Variants in MAPK10 observed in about 807,000 individuals in gnomAD.
MAPK10 encodes the protein mitogen-activated protein kinase 10, also known as JNK3 alpha protein kinase.
Under a neutral mutation model 59.3 loss-of-function variants are expected in MAPK10, and 25 were observed. The observed-to-expected ratio is 0.42, with a 90% CI of 0.31 to 0.59. The LOEUF (loss-of-function observed/expected upper bound fraction) is 0.59, where lower values mean the gene tolerates loss of function less well. Among genes scored for constraint, MAPK10 ranks in the 20% least tolerant of loss-of-function variants. The probability of loss-of-function intolerance (pLI) is 0.15; values close to 1 mark genes in which losing one functional copy is unlikely to be tolerated. For missense variants in MAPK10, 351 were observed against 568.9 expected (o/e 0.62, Z 3.90); for synonymous variants, 190 against 200.5 (o/e 0.95, Z 0.44).
chr4:86,359,590 C>T, intron 1 of MAPK10, 68 bp downstream of exon 1: 1 of 728,742 alleles, frequency 1.4e-6, no homozygotes, highest in Non-Finnish European at 1.7e-6. Flanking sequence ...CCACCAGGAG[C>T]AATCAATAGA....
upstream of MAPK10, chr4:86,360,123 C>G: frequency 1.0e-6 from 1 of 985,876 alleles, no homozygotes; most frequent in Non-Finnish European, 1.2e-6. Flanking sequence ...AAGGAGCACA[C>G]ATGACGTCAA....
chr4:86,488,916 A>T (rs923106375), intron 1 of MAPK10, among the ~76,000 whole-genome samples: 3 of 152,232 alleles, frequency 2.0e-5, no homozygotes, highest in Non-Finnish European at 4.4e-5. Flanking sequence ...TGGCCACAGG[A>T]CCGGCCAAAT....
chr4:86,216,004 T>C (rs2087444760), intron 2 of MAPK10, among the ~76,000 whole-genome samples: 1 of 152,056 alleles, frequency 6.6e-6, no homozygotes, highest in Non-Finnish European at 1.5e-5. Context: ...TATGAACCCT[T>C]GTGCCCTATT....
At chr4:86,258,032 C>G (rs1170250702) in intron 2 of MAPK10, among the ~76,000 whole-genome samples, 1 of 152,122 alleles carries the variant, frequency 6.6e-6, no homozygotes, top group Admixed American at 6.5e-5. Context: ...AGTCACAATG[C>G]TCAATCGTGA....
At chr4:86,230,315 G>A (rs6531905) in intron 2 of MAPK10, among the ~76,000 whole-genome samples, 49,861 of 152,084 alleles carry the variant, frequency 0.33, 11,085 homozygotes, top group African/African-American at 0.63. Flanking sequence ...ATGAATTACC[G>A]TATGACTTTA....
chr4:86,450,687 C>T (rs1262861171), intron 1 of MAPK10, among the ~76,000 whole-genome samples: 1 of 152,110 alleles, frequency 6.6e-6, no homozygotes, highest in Non-Finnish European at 1.5e-5. Context: ...ACCCAGTTTT[C>T]TAGAATTTCA....
intron 2 of MAPK10, among the ~76,000 whole-genome samples, chr4:86,333,583 C>T (rs1246843242): frequency 6.6e-6 from 1 of 152,218 alleles, no homozygotes; most frequent in Non-Finnish European, 1.5e-5. Context: ...TAAGCAGCAA[C>T]AAGGCTGATA....
chr4:86,276,366 A>G (rs916892965), intron 2 of MAPK10, among the ~76,000 whole-genome samples: 1 of 151,988 alleles, frequency 6.6e-6, no homozygotes, highest in African/African-American at 2.4e-5. Context: ...AAACCCTTCC[A>G]TCTCATCACT....
chr4:86,100,500 CTAAA>C (rs2055150517), intron 8 of MAPK10: 1 of 152,172 alleles, frequency 6.6e-6, no homozygotes, highest in Non-Finnish European at 1.5e-5. Context: ...AATTGCTACT[CTAAA>C]TGTTTCTTAC....
chr4:86,212,551 A>G (rs1379538305), intron 2 of MAPK10, among the ~76,000 whole-genome samples: 4 of 152,170 alleles, frequency 2.6e-5, no homozygotes, highest in Non-Finnish European at 5.9e-5. Context: ...ATTCTATGCA[A>G]ATAGTAACCA....
chr4:86,457,805 A>G (rs1449297052), upstream of MAPK10: 1 of 152,160 alleles, frequency 6.6e-6, no homozygotes, highest in Non-Finnish European at 1.5e-5. Context: ...TTAGAAAAAA[A>G]AAATCCTAAA....
At chr4:86,466,098 C>T (rs1402495466) in intron 1 of MAPK10, among the ~76,000 whole-genome samples, 5 of 152,308 alleles carry the variant, frequency 3.3e-5, no homozygotes, top group African/African-American at 1.2e-4. Context: ...GTTACACATG[C>T]TTTCTGGTCT....
At chr4:86,493,639 C>T (rs1754649891) in intron 1 of MAPK10, among the ~76,000 whole-genome samples, 1 of 152,190 alleles carries the variant, frequency 6.6e-6, no homozygotes, top group Admixed American at 6.5e-5. Flanking sequence ...CACTCCTACC[C>T]TGCCTGGAAG....
At chr4:86,385,400 C>A (rs1354266523) in intron 1 of MAPK10, among the ~76,000 whole-genome samples, 1 of 152,104 alleles carries the variant, frequency 6.6e-6, no homozygotes. Flanking sequence ...CAAAGGAATT[C>A]TTTACATGTA....
intron 4 of MAPK10, among the ~76,000 whole-genome samples, chr4:86,139,264 A>G (rs541459975): frequency 2.8e-5 from 4 of 145,082 alleles, no homozygotes; most frequent in Middle Eastern, 3.5e-3. Context: ...GAGGCATCAC[A>G]CTACCTAACT....
intron 2 of MAPK10, among the ~76,000 whole-genome samples, chr4:86,257,122 A>G (rs1445440635): frequency 6.6e-6 from 1 of 152,176 alleles, no homozygotes; most frequent in Non-Finnish European, 1.5e-5. Flanking sequence ...CTTAAAGAAG[A>G]AAATAGAGAA....
rs368982706 is a variant in MAPK10, at chr4:86,023,812, A to AATATATATATATATATATAT, written c.1252+5365_1252+5384dup. 149 of 100,400 alleles carry AATATATATATATATATATAT rather than the reference A, an allele frequency of 1.5e-3. 1 individual carries two copies. Among genetic ancestry groups the AATATATATATATATATATAT allele is most frequent in the African/African-American group, 2.0e-3 (48 of 24,352 alleles). 6.2% of individuals were successfully genotyped at this position (100,400 alleles called of 1,614,324 possible). On this transcript the variant is annotated intron_variant, in intron 13 of 13. Transcript: ENST00000641462. ...TTGGATGTTAAAAACAGATCAAATG[A>AATATATATATATATATATAT]ATATATATATATATATATATATATA...
At position 86,372,520 on chromosome 4, in the gene MAPK10, A is replaced by AAAAGAAAGAAAGAAAG. The variant is rs71598410; in HGVS notation, c.-121-17892_-121-17877dup. Among the ~76,000 whole-genome samples the AAAAGAAAGAAAGAAAG allele has an allele frequency of 9.4e-4, 85 of 90,040 alleles. 1 individual carries two copies. Among genetic ancestry groups the AAAAGAAAGAAAGAAAG allele is most frequent in the African/African-American group, 1.6e-3 (29 of 18,588 alleles). 59.1% of individuals were successfully genotyped at this position (90,040 alleles called of 152,430 possible). Reference sequence around the variant, plus strand: ...GACAGAGTAAGACTCCATCTCAAACAAAAGAAAGAAAGAAAGAAAGAAAGA... The same window carrying AAAAGAAAGAAAGAAAG: ...GACAGAGTAAGACTCCATCTCAAACAAAAGAAAGAAAGAAAGAAAGAAAGAAAGAAAGAAAGAAAGA... On this transcript the variant is annotated intron_variant, in intron 1 of 13. Transcript: ENST00000361569.
intron 1 of MAPK10, among the ~76,000 whole-genome samples, chr4:86,446,056 C>T (rs7698396): frequency 3.3e-5 from 5 of 152,102 alleles, no homozygotes; most frequent in African/African-American, 7.2e-5. Context: ...ATTTGATGAT[C>T]GATTATAGCT....
Sources: gnomAD v4.1 joint callset for allele counts (sites outside exome capture counted in the v4.1 genomes callset) on GRCh38, gnomAD v4.1.1 for gene constraint, MANE v1.5 for transcripts, NCBI Gene and HGNC (gene_info 2026-07-23, HGNC 2026-07-21) for gene names.